Variants in HGS observed in about 807,000 individuals in gnomAD.
The protein encoded by HGS is hepatocyte growth factor-regulated tyrosine kinase substrate, also known as human growth factor-regulated tyrosine kinase substrate.
Under a neutral mutation model 109.7 loss-of-function variants are expected in HGS, and 63 were observed. The observed-to-expected ratio is 0.57, with a 90% CI of 0.47 to 0.71. HGS has a LOEUF of 0.71. HGS is among the 30% of genes least tolerant of loss of function. The pLI, the probability that HGS is intolerant of heterozygous loss-of-function variation, is 0.00. For synonymous variants in HGS, 546 were observed against 437.3 expected (o/e 1.25, Z -3.10); for missense variants, 995 against 1,068.3 (o/e 0.93, Z 0.96).
At chr17:81,688,242 C>T (rs2037010987) in intron 4 of HGS, among the ~76,000 whole-genome samples, 1 of 152,150 alleles carries the variant, frequency 6.6e-6, no homozygotes, top group African/African-American at 2.4e-5. Flanking sequence ...GGGTCTGGAG[C>T]CCGCTCTGAA....
chr17:81,693,585 C>T lies in HGS; in HGVS notation c.741+4C>T, dbSNP rs755900516. 3.1e-6 allele frequency: 5 copies of T among 1,591,650 alleles called. No individual in the cohort carries two copies. The highest frequency in any genetic ancestry group is 4.3e-6 in the Non-Finnish European group (5 of 1,164,124). On this transcript the variant is annotated splice_donor_region_variant and intron_variant, in intron 9 of 21. Transcript: ENST00000329138. ...CCCCCTGTCTCAGCAGTCCCAGGTA[C>T]TCAGCCCCCTCCGTCCCGTGGGCAC...
chr17:81,698,731 G>A (rs562235766), intron 18 of HGS, among the ~76,000 whole-genome samples: 1 of 152,324 alleles, frequency 6.6e-6, no homozygotes, highest in South Asian at 2.1e-4. Context: ...AGTTGTGGGT[G>A]CGTCTGTGTA....
chr17:81,694,056 TG>T (rs1192297278), intron 11 of HGS, 91 bp downstream of exon 11: 5 of 1,173,200 alleles, frequency 4.3e-6, no homozygotes, highest in Non-Finnish European at 5.9e-6. Flanking sequence ...GTCAGGTTGG[TG>T]GGGGATGCGG....
chr17:81,684,196 G>A (rs556666891), intron 1 of HGS, 93 bp downstream of exon 1: 12 of 1,163,936 alleles, frequency 1.0e-5, no homozygotes, highest in Non-Finnish European at 1.3e-5. Context: ...CGAGGGGCGC[G>A]GACCGGCCGC....
At position 81,691,539 on chromosome 17, in the gene HGS, C is replaced by T. The variant is rs148002494; in HGVS notation, c.630C>T (p.Arg210=). 522 of 1,614,000 alleles carry T rather than the reference C, an allele frequency of 3.2e-4. 1 individual carries two copies. Among genetic ancestry groups the T allele is most frequent in the Middle Eastern group, 4.9e-4 (3 of 6,084 alleles). ...IPKFGIEKEV[R]VCEPCYEQLN... ...AGTTTGGCATCGAGAAGGAGGTGCG[C>T]GTGTGTGAGCCCTGCTACGAGCAGC... The change falls in exon 8 of 22, where the codon CGC becomes CGT. Residue 210 remains arginine (R), a synonymous_variant. Transcript: ENST00000329138. The surrounding 1 kb of genome is among the most constrained non-coding windows in gnomAD (Gnocchi z 5.3).
At chr17:81,687,505 A>T (rs2036998245) in intron 4 of HGS, among the ~76,000 whole-genome samples, 1 of 152,106 alleles carries the variant, frequency 6.6e-6, no homozygotes, top group African/African-American at 2.4e-5. Context: ...TCCCACAGGC[A>T]GGGGCCTGGG....
At chr17:81,700,914 C>T (rs113174806) in intron 20 of HGS, 100 bp downstream of exon 20, 26 of 1,540,280 alleles carry the variant, frequency 1.7e-5, no homozygotes, top group Non-Finnish European at 2.1e-5. Flanking sequence ...GTGGGCTCCA[C>T]CCCTTCTGCT....
chr17:81,687,217 G>A (rs1044372906), intron 4 of HGS, 122 bp downstream of exon 4: 9 of 697,786 alleles, frequency 1.3e-5, no homozygotes, highest in Middle Eastern at 3.6e-4. Context: ...GGTGCAGATC[G>A]GTGGTCCCTG....
In HGS at chr17:81,690,072, T is replaced by G. The variant is rs2037040160; in HGVS notation, c.416-110T>G. On this transcript the variant is annotated intron_variant, in intron 5 of 21. Coordinates refer to ENST00000329138, the MANE Select transcript of HGS (RefSeq NM_004712.5). The stretch of plus-strand genomic sequence containing the variant: ...TCTCGGTGCCCCCAGACACCTTCAC[T>G]TGGGTGCACGGTCACTGCTGCGTTG... 11 of 1,193,930 alleles carry G rather than the reference T, an allele frequency of 9.2e-6. No individual in the cohort carries two copies. The Middle Eastern group carries it at 1.2e-3, about 130-fold the overall frequency. The allele number at this position is 1,193,930 out of a possible 1,614,324, so 74.0% of individuals were successfully genotyped here. A position where few individuals can be genotyped will look rare whatever the true frequency, so the allele number is the denominator to read the frequency against.
Position 81,686,397 on chromosome 17 carries a change from C to G in HGS, c.198+10C>G, listed in dbSNP as rs1400193868. 1.2e-6 allele frequency: 2 copies of G among 1,610,814 alleles called. No homozygotes were observed. ...CTTGTATGCCCTGGAGGTAAGCAGA[C>G]CCCCGTGCCTCAGTGGCCCCCAGGG... On this transcript the variant is annotated intron_variant, in intron 3 of 21. Coordinates refer to ENST00000329138, the MANE Select transcript of HGS (RefSeq NM_004712.5).
At chr17:81,689,087 C>T (rs2037026395) in intron 5 of HGS, among the ~76,000 whole-genome samples, 1 of 152,220 alleles carries the variant, frequency 6.6e-6, no homozygotes, top group African/African-American at 2.4e-5. Context: ...AGCAGACAGC[C>T]TGTTTCAGAG....
chr17:81,686,491 C>T (rs576461477), intron 3 of HGS, 104 bp downstream of exon 3: 3 of 784,688 alleles, frequency 3.8e-6, no homozygotes, highest in African/African-American at 3.5e-5. Context: ...CCTCCCTGGG[C>T]ATACATCAAG....
In HGS at chr17:81,696,911, G is replaced by T; in HGVS notation, c.1795G>T (p.Val599Leu). ...CAGCACCTTCAGCCCTGCCGGCTCG[G>T]TGGAGGGCTCCCCAATGCACGGCGT... ...FPSTFSPAGS[V>L]EGSPMHGVYM... The change falls in exon 18 of 22, where the codon GTG (valine) becomes TTG (leucine). Residue 599 changes from valine to leucine, a missense_variant. Physicochemically the swap from Val to Leu is conservative, Grantham distance 32. Around this residue, in one of 6 missense-constraint regions of HGS, gnomAD observed 326 missense variants for 309.7 expected, o/e 1.05. Coordinates refer to ENST00000329138, the MANE Select transcript of HGS (RefSeq NM_004712.5). 6.2e-7 allele frequency: 1 copy of T among 1,608,836 alleles called. No homozygotes were observed. The highest frequency in any genetic ancestry group is 1.6e-4 in the Middle Eastern group (1 of 6,062).
intron 14 of HGS, 127 bp downstream of exon 14, chr17:81,695,350 C>T (rs2037129066): frequency 1.0e-6 from 1 of 994,298 alleles, no homozygotes; most frequent in East Asian, 2.5e-5. Flanking sequence ...TGCCCCAGCC[C>T]AGCCCTGGCC....
chr17:81,688,951 C>T lies in HGS; in HGVS notation c.415+124C>T, dbSNP rs114692983. 2.6e-3 allele frequency: 3,456 copies of T among 1,337,228 alleles called. 62 individuals carry two copies. The African/African-American group carries it at 0.042, about 16-fold the overall frequency. 82.8% of individuals were successfully genotyped at this position (1,337,228 alleles called of 1,614,324 possible). A position where few individuals can be genotyped will look rare whatever the true frequency, so the allele number is the denominator to read the frequency against. On this transcript the variant is annotated intron_variant, in intron 5 of 21. Coordinates refer to ENST00000329138, the MANE Select transcript of HGS (RefSeq NM_004712.5). ...TTCCCTGTGTTGGGAGGGAGGAGGG[C>T]GGTGGCCTGGAGCCAGGGAAGACCG... is the stretch of plus-strand genomic sequence containing the variant.
At position 81,701,543 on chromosome 17, in the gene HGS, C is replaced by T. The variant is rs774663693; in HGVS notation, c.2259C>T (p.Pro753=). The T allele has an allele frequency of 3.2e-6, 5 of 1,566,414 alleles. No homozygotes were observed. In the African/African-American group the frequency reaches 5.4e-5, roughly 17 times the overall value. ...APSGGPPQQQ[P]PVAQQPQAQG... ...CTGGCGGTCCCCCCCAGCAGCAGCC[C>T]CCCGTGGCCCAGCAACCGCAGGCAC... Residue 753 remains proline, a synonymous_variant, in exon 22 of 22, where the codon CCC becomes CCT. Coordinates refer to ENST00000329138, the MANE Select transcript of HGS (RefSeq NM_004712.5).
At chr17:81,684,982 A>G in intron 1 of HGS, 4 of 985,386 alleles carry the variant, frequency 4.1e-6, no homozygotes, top group Non-Finnish European at 4.8e-6. Flanking sequence ...TCGTTTCTGT[A>G]TCCGGGAAAG....
At position 81,700,382 on chromosome 17, in the gene HGS, A is replaced by G. The variant is rs1175631909; in HGVS notation, c.1883-85A>G. On this transcript the variant is annotated intron_variant, in intron 18 of 21. Transcript: ENST00000329138. ...GACTCCATCTCAAAAAAAAAAAAAA[A>G]AAAGTAAAACTCAAGAGTAGGGTGT... is the stretch of plus-strand genomic sequence containing the variant. The G allele has an allele frequency of 2.8e-6, 4 of 1,409,992 alleles. No individual in the cohort carries two copies. The African/African-American group carries it at 5.8e-5, about 21-fold the overall frequency. The allele number at this position is 1,409,992 out of a possible 1,614,324, so 87.3% of individuals were successfully genotyped here. A position where few individuals can be genotyped will look rare whatever the true frequency, so the allele number is the denominator to read the frequency against.
In HGS at chr17:81,701,105, G is replaced by A. The variant is rs56058441; in HGVS notation, c.2197G>A (p.Ala733Thr). The A allele has an allele frequency of 2.5e-6, 4 of 1,613,844 alleles. No individual in the cohort carries two copies. Among genetic ancestry groups the A allele is most frequent in the Non-Finnish European group, 3.4e-6 (4 of 1,179,982 alleles). ...ASLPPQQPYI[A>T]GQQPMYQQMA... is the part of the protein sequence containing the mutation. ...TCTGCCACCCCAGCAGCCCTACATC[G>A]CGGGGCAGCAGCCCATGTACCAGCA... The change falls in exon 21 of 22, where the codon GCG becomes ACG. Residue 733 changes from alanine to threonine, a missense_variant. Ala to Thr is a moderately conservative substitution (Grantham distance 58). Transcript: ENST00000329138.
Sources: allele counts gnomAD v4.1 joint callset (sites outside exome capture counted in the v4.1 genomes callset), GRCh38; gene constraint gnomAD v4.1.1; regional missense constraint gnomAD v4.1.1; non-coding constraint Gnocchi (gnomAD v3.1); transcripts MANE v1.5; gene names NCBI Gene and HGNC (gene_info 2026-07-23, HGNC 2026-07-21).